The following VPS35L variants were observed in gnomAD, a reference collection of about 807,000 sequenced individuals.
VPS35L encodes VPS35 endosomal protein-sorting factor-like.
In VPS35L, 83 loss-of-function variants were observed where a neutral mutation model predicts 133.0. That is an observed-to-expected ratio of 0.62 (90% CI 0.52 to 0.75). The LOEUF (loss-of-function observed/expected upper bound fraction) is 0.75, where lower values mean the gene tolerates loss of function less well. Ranked by LOEUF, VPS35L falls within the 30% of genes least tolerant of loss-of-function variation. The pLI, the probability that VPS35L is intolerant of heterozygous loss-of-function variation, is 0.00. For synonymous variants in VPS35L, 423 were observed against 449.9 expected (o/e 0.94, Z 0.76); for missense variants, 1,083 against 1,206.8 (o/e 0.90, Z 1.52).
chr16:19,602,237 C>T (rs1391385839), intron 9 of VPS35L, among the ~76,000 whole-genome samples: 1 of 151,974 alleles, frequency 6.6e-6, no homozygotes, highest in African/African-American at 2.4e-5. Context: ...TTTCTTTTGT[C>T]GTATAAATGG....
chr16:19,660,359 T>G (rs1974444074), intron 26 of VPS35L, among the ~76,000 whole-genome samples: 1 of 150,998 alleles, frequency 6.6e-6, no homozygotes, highest in East Asian at 1.9e-4. Flanking sequence ...GAAATAATGG[T>G]TTTTCTATTC....
At chr16:19,634,126 G>A (rs1391392586) in intron 19 of VPS35L, among the ~76,000 whole-genome samples, 1 of 151,684 alleles carries the variant, frequency 6.6e-6, no homozygotes, top group Non-Finnish European at 1.5e-5. Context: ...TTGATAATAA[G>A]TTGCATACAT....
intron 18 of VPS35L, among the ~76,000 whole-genome samples, chr16:19,630,555 C>CG (rs939434853): frequency 3.3e-5 from 5 of 151,858 alleles, no homozygotes; most frequent in Non-Finnish European, 5.9e-5. Context: ...AGGATGGTCT[C>CG]GATCTCCTGA....
intron 7 of VPS35L, among the ~76,000 whole-genome samples, chr16:19,589,952 T>A (rs1474838263): frequency 1.3e-5 from 2 of 152,186 alleles, no homozygotes; most frequent in African/African-American, 4.8e-5. Context: ...GTAAACAGTC[T>A]CTGAGATTTG....
intron 9 of VPS35L, among the ~76,000 whole-genome samples, chr16:19,607,469 C>T (rs1469225441): frequency 1.3e-5 from 2 of 152,206 alleles, no homozygotes; most frequent in African/African-American, 4.8e-5. Flanking sequence ...CACCTAGCTG[C>T]AAGGATGGCC....
intron 9 of VPS35L, among the ~76,000 whole-genome samples, chr16:19,602,899 C>T (rs1031555129): frequency 2.7e-5 from 4 of 150,116 alleles, no homozygotes; most frequent in South Asian, 2.1e-4. Flanking sequence ...CAACCGTGCC[C>T]GTCCCTTTTT....
chr16:19,650,285 T>G (rs1974082343), intron 24 of VPS35L, 97 bp from the exon 25 acceptor site: 1 of 1,009,926 alleles, frequency 9.9e-7, no homozygotes, highest in Non-Finnish European at 1.6e-6. Context: ...CTTGTTCTCA[T>G]TGACCTGTAT....
intron 18 of VPS35L, among the ~76,000 whole-genome samples, chr16:19,630,326 G>GTTTTTTTTTTTTTTTTTTTTTTTTTT (rs201807727): frequency 9.4e-6 from 1 of 106,516 alleles, no homozygotes. Context: ...AGTCCTAAAA[G>GTTTTTTTTTTTTTTTTTTTTTTTTTT]TTTTTTTTTT....
At chr16:19,635,386 A>G (rs534273117) in intron 19 of VPS35L, among the ~76,000 whole-genome samples, 1 of 152,258 alleles carries the variant, frequency 6.6e-6, no homozygotes, top group African/African-American at 2.4e-5. Context: ...ATAAAATGAA[A>G]TAAAACCCAA....
At chr16:19,630,109 T>C (rs1973398920) in intron 18 of VPS35L, among the ~76,000 whole-genome samples, 1 of 152,138 alleles carries the variant, frequency 6.6e-6, no homozygotes, top group African/African-American at 2.4e-5. Flanking sequence ...TAAAGTGCAT[T>C]GCGACTGTAC....
At chr16:19,682,507 C>A in intron 28 of VPS35L, 117 bp downstream of exon 28, 2 of 1,145,816 alleles carry the variant, frequency 1.7e-6, no homozygotes, top group Non-Finnish European at 2.4e-6. Context: ...CCATGAACTT[C>A]TAGTCCAGGG....
chr16:19,669,010 T>A (rs1974786079), intron 26 of VPS35L, 150 bp from the exon 27 acceptor site: 5 of 608,228 alleles, frequency 8.2e-6, no homozygotes, highest in Middle Eastern at 4.9e-4. Flanking sequence ...AGCTCCATCA[T>A]GGTTTGCAGA....
chr16:19,678,877 C>A (rs1303055447), intron 27 of VPS35L, among the ~76,000 whole-genome samples: 2 of 152,090 alleles, frequency 1.3e-5, no homozygotes, highest in Non-Finnish European at 1.5e-5. Context: ...AGTCTCCCAG[C>A]TCTTCGGTTG....
At chr16:19,585,068 T>C (rs1247117003) in intron 7 of VPS35L, among the ~76,000 whole-genome samples, 1 of 152,226 alleles carries the variant, frequency 6.6e-6, no homozygotes, top group Non-Finnish European at 1.5e-5. Context: ...TCATATTACA[T>C]GTGGGTAGTT....
chr16:19,632,159 C>T (rs1567440558), intron 18 of VPS35L, among the ~76,000 whole-genome samples: 1 of 151,700 alleles, frequency 6.6e-6, no homozygotes, highest in Non-Finnish European at 1.5e-5. Context: ...GACGGGGTTT[C>T]ACCATGTTGG....
chr16:19,695,681 G>A (rs1250559159), intron 29 of VPS35L, among the ~76,000 whole-genome samples: 1 of 152,224 alleles, frequency 6.6e-6, no homozygotes, highest in South Asian at 2.1e-4. Context: ...AGGCATGGTG[G>A]TGTGCACCCT....
chr16:19,664,783 T>A (rs905209448), intron 26 of VPS35L, among the ~76,000 whole-genome samples: 1 of 151,648 alleles, frequency 6.6e-6, no homozygotes, highest in East Asian at 1.9e-4. Flanking sequence ...GCCTGTAGTC[T>A]TAGCTACTCG....
Position 19,652,031 on chromosome 16 carries a change from G to A in VPS35L, c.2162G>A (p.Arg721His), listed in dbSNP as rs770474820. 4.3e-6 allele frequency: 7 copies of A among 1,613,392 alleles called. No homozygotes were observed. Among genetic ancestry groups the A allele is most frequent in the South Asian group, 2.2e-5 (2 of 90,790 alleles). The change falls in exon 26 of 31, where the codon CGT becomes CAT. Residue 721 changes from arginine to histidine, a missense_variant. Physicochemically the swap from Arg to His is conservative, Grantham distance 29 (BLOSUM62 0). Coordinates refer to ENST00000417362, the MANE Select transcript of VPS35L (RefSeq NM_020314.7). The part of the protein sequence containing the change: ...TIPSLAGIFT[R>H]LNLYLHSGQV... The stretch of plus-strand genomic sequence containing the variant: ...CCCTCCCTGGCGGGCATCTTCACAC[G>A]TCTCAATCTCTACCTGCATTCTGGT...
chr16:19,671,412 T>C lies in VPS35L; in HGVS notation c.2361+2113T>C, dbSNP rs551480921. ...TGAACCCAGGAGGCGGAGGTTGCAGTGAGCCGAGATTGCACCACCGCACTC... is the reference window on the plus strand; with the variant it reads ...TGAACCCAGGAGGCGGAGGTTGCAGCGAGCCGAGATTGCACCACCGCACTC... On this transcript the variant is annotated intron_variant, in intron 27 of 30. Coordinates refer to ENST00000417362, the MANE Select transcript of VPS35L (RefSeq NM_020314.7). Among the ~76,000 whole-genome samples, 15 of 148,692 alleles carry C rather than the reference T, an allele frequency of 1.0e-4. No individual in the cohort carries two copies. The East Asian group carries it at 2.4e-3, about 23-fold the overall frequency.
Sources: gnomAD v4.1 joint callset for allele counts (sites outside exome capture counted in the v4.1 genomes callset) on GRCh38, gnomAD v4.1.1 for gene constraint, MANE v1.5 for transcripts, NCBI Gene and HGNC (gene_info 2026-07-23, HGNC 2026-07-21) for gene names.